The following B3GNT4 variants were observed in gnomAD, a reference collection of about 807,000 sequenced individuals.
The protein encoded by B3GNT4 is N-acetyllactosaminide beta-1,3-N-acetylglucosaminyltransferase 4.
A neutral mutation model predicts 2.7 loss-of-function variants in B3GNT4; 2 were observed. That is an observed-to-expected ratio of 0.73 (90% CI 0.30 to 2.31). The LOEUF (loss-of-function observed/expected upper bound fraction) is 2.31. Among genes scored for constraint, B3GNT4 ranks in the 30% most tolerant of loss-of-function variants. The pLI, the probability that B3GNT4 is intolerant of heterozygous loss-of-function variation, is 0.12. For missense variants in B3GNT4, 708 were observed against 490.9 expected, an observed-to-expected ratio of 1.44 and a Z score of -4.18; for synonymous variants, 280 against 203.4, an observed-to-expected ratio of 1.38 and a Z score of -3.20.
chr12:122,205,985 CTG>C (rs1953908399), intron 2 of B3GNT4: 2 of 318,316 alleles, frequency 6.3e-6, no homozygotes. Flanking sequence ...TAAACTGAGT[CTG>C]TGCCTAAAAC....
Position 122,207,350 on chromosome 12 carries a change from G to C in B3GNT4, c.1099G>C (p.Gly367Arg). The C allele has an allele frequency of 3.8e-6, 6 of 1,595,760 alleles. No individual in the cohort carries two copies. The highest frequency in any genetic ancestry group is 5.1e-6 in the Non-Finnish European group (6 of 1,169,732). ...CATGTGGGCACTGGTGACAGATGAGGGGCTCAAGTGTGCAGCTGGCCCCAT... is the reference window on the plus strand; with the variant it reads ...CATGTGGGCACTGGTGACAGATGAGCGGCTCAAGTGTGCAGCTGGCCCCAT... ...WTMWALVTDEGLKCAAGPIPQ... is the reference protein window; with the variant it reads ...WTMWALVTDERLKCAAGPIPQ... Residue 367 changes from glycine (G) to arginine (R), a missense_variant, in exon 3 of 3, where the codon GGG becomes CGG. By Grantham distance (125) the Gly-to-Arg change is moderately radical. Coordinates refer to ENST00000324189, the MANE Select transcript of B3GNT4 (RefSeq NM_030765.4).
intron 2 of B3GNT4, chr12:122,205,398 G>C (rs950793295): frequency 1.3e-5 from 2 of 152,432 alleles, no homozygotes; most frequent in African/African-American, 4.8e-5. Context: ...GCACCTAGCA[G>C]TTGCTTTTCT....
chr12:122,206,642 G>C lies in B3GNT4; in HGVS notation c.391G>C (p.Val131Leu). Residue 131 changes from valine to leucine, a missense_variant, in exon 3 of 3, where the codon GTG becomes CTG. Coordinates refer to ENST00000324189, the MANE Select transcript of B3GNT4 (RefSeq NM_030765.4). ...GGCCATCAAGTCACAGCCTGGTCACGTGGAGCGACGTGCGGCTATCCGCAG... is the reference window on the plus strand; with the variant it reads ...GGCCATCAAGTCACAGCCTGGTCACCTGGAGCGACGTGCGGCTATCCGCAG... ...LLAIKSQPGHVERRAAIRSTW... is the reference protein window; with the variant it reads ...LLAIKSQPGHLERRAAIRSTW... The C allele has an allele frequency of 6.2e-7, 1 of 1,613,894 alleles. No homozygotes were observed. Among genetic ancestry groups the C allele is most frequent in the Non-Finnish European group, 8.5e-7 (1 of 1,180,010 alleles).
At chr12:122,203,997 G>T (rs1034502390) in intron 1 of B3GNT4, among the ~76,000 whole-genome samples, 196 bp downstream of exon 1, 2 of 151,704 alleles carry the variant, frequency 1.3e-5, no homozygotes, top group African/African-American at 2.4e-5. Context: ...CCCACGGGCC[G>T]CTCGGCTTCG....
Position 122,207,410 on chromosome 12 carries a change from TGA to T in B3GNT4, c.*26_*27del, listed in dbSNP as rs757785402. ...CTGAAGGGTGGGTTGGGCAACAGCC[TGA>T]GAGTGGACTCAGTGTTGATTCTCTA... On this transcript the variant is annotated 3_prime_UTR_variant, in exon 3 of 3. Transcript: ENST00000324189. 15 of 1,517,470 alleles carry T rather than the reference TGA, an allele frequency of 9.9e-6. No homozygotes were observed. Among genetic ancestry groups the T allele is most frequent in the Admixed American group, 4.4e-5 (2 of 45,054 alleles). The allele number at this position is 1,517,470 out of a possible 1,614,324, so 94.0% of individuals were successfully genotyped here.
In B3GNT4 at chr12:122,206,315, C is replaced by T. The variant is rs766256170; in HGVS notation, c.67-3C>T. The T allele has an allele frequency of 8.4e-6, 13 of 1,549,984 alleles. No homozygotes were observed. Among genetic ancestry groups the T allele is most frequent in the Non-Finnish European group, 1.1e-5 (13 of 1,148,382 alleles). ...CCCTGCTCAGGTGGCTCTCTCCTTG[C>T]AGGGACCGGCGATGCTCTGCAGGCT... is the stretch of plus-strand genomic sequence containing the variant. On this transcript the variant is annotated splice_polypyrimidine_tract_variant and splice_region_variant and intron_variant, in intron 2 of 2. Coordinates refer to ENST00000324189, the MANE Select transcript of B3GNT4 (RefSeq NM_030765.4).
At chr12:122,203,989 C>T (rs1000839607) in intron 1 of B3GNT4, among the ~76,000 whole-genome samples, 188 bp downstream of exon 1, 8 of 151,706 alleles carry the variant, frequency 5.3e-5, no homozygotes, top group African/African-American at 1.7e-4. Flanking sequence ...GCTCGGGGCC[C>T]ACGGGCCGCT....
At chr12:122,204,730 C>T (rs1267451632) in intron 2 of B3GNT4, 46 bp downstream of exon 2, 9 of 1,498,676 alleles carry the variant, frequency 6.0e-6, no homozygotes, top group Non-Finnish European at 1.8e-6. Flanking sequence ...GTCCCCCACC[C>T]CCGCATAGAT....
Position 122,206,918 on chromosome 12 carries a change from G to A in B3GNT4, c.667G>A (p.Val223Ile), listed in dbSNP as rs747386259. Residue 223 changes from valine to isoleucine, a missense_variant, in exon 3 of 3, where the codon GTC (valine) becomes ATC (isoleucine). Val to Ile is a conservative substitution (Grantham distance 29, BLOSUM62 3). Transcript: ENST00000324189. ...GCTAAAGGGAGATGACGATGTCTTT[G>A]TCCACGTCCCCAACGTGTTAGAGTT... is the stretch of plus-strand genomic sequence containing the variant. Reference protein sequence around the residue: ...FMLKGDDDVFVHVPNVLEFLD... With the variant: ...FMLKGDDDVFIHVPNVLEFLD... The A allele has an allele frequency of 6.2e-7, 1 of 1,614,048 alleles. No homozygotes were observed.
chr12:122,204,664 A>G lies in B3GNT4; in HGVS notation c.46A>G (p.Arg16Gly). ...CGCAGCCCACCAGGGAAGGGGCGGT[A>G]GGAGTGGCCTTTTACCAAAGGTCAG... is the stretch of plus-strand genomic sequence containing the variant. ...PSAAHQGRGG[R>G]SGLLPKGPAM... The change falls in exon 2 of 3, where the codon AGG (arginine) becomes GGG (glycine). Residue 16 changes from arginine to glycine, a missense_variant. By Grantham distance (125) the Arg-to-Gly change is moderately radical (BLOSUM62 -2). Coordinates refer to ENST00000324189, the MANE Select transcript of B3GNT4 (RefSeq NM_030765.4). 3 of 1,611,532 alleles carry G rather than the reference A, an allele frequency of 1.9e-6. No homozygotes were observed. The highest frequency in any genetic ancestry group is 1.1e-5 in the South Asian group (1 of 91,010).
rs1566016701 is a variant in B3GNT4, at chr12:122,206,611, G to C, written c.360G>C (p.Leu120Phe). 4.3e-6 allele frequency: 7 copies of C among 1,614,106 alleles called. No homozygotes were observed. The highest frequency in any genetic ancestry group is 5.9e-6 in the Non-Finnish European group (7 of 1,180,042). The change falls in exon 3 of 3, where the codon TTG (leucine) becomes TTC (phenylalanine). Residue 120 changes from leucine to phenylalanine, a missense_variant. Coordinates refer to ENST00000324189, the MANE Select transcript of B3GNT4 (RefSeq NM_030765.4). ...EPSGCSKDTF[L>F]LLAIKSQPGH... ...CAGGCTGTTCCAAGGATACCTTCTT[G>C]CTCCTGGCCATCAAGTCACAGCCTG...
chr12:122,205,935 C>T, intron 2 of B3GNT4: 1 of 206,490 alleles, frequency 4.8e-6, no homozygotes, highest in East Asian at 1.1e-4. Context: ...CTTGAAAAGC[C>T]CTGAATGTCA....
Position 122,208,684 on chromosome 12 carries a change from GT to G in B3GNT4, c.*1297del. 1 of 1,167,778 alleles carries G rather than the reference GT, an allele frequency of 8.6e-7. No homozygotes were observed. Among genetic ancestry groups the G allele is most frequent in the Middle Eastern group, 1.9e-4 (1 of 5,284 alleles). 72.3% of individuals were successfully genotyped at this position (1,167,778 alleles called of 1,614,324 possible). A position where few individuals can be genotyped will look rare whatever the true frequency, so the allele number is the denominator to read the frequency against. On this transcript the variant is annotated 3_prime_UTR_variant, in exon 3 of 3. Coordinates refer to ENST00000324189, the MANE Select transcript of B3GNT4 (RefSeq NM_030765.4). ...GGCTGTCATCTGAACCCCTCTTGGGGTCACTTTCCTTGACCTCCCTGTCTTC... is the reference window on the plus strand; with the variant it reads ...GGCTGTCATCTGAACCCCTCTTGGGGCACTTTCCTTGACCTCCCTGTCTTC...
intron 2 of B3GNT4, chr12:122,204,890 C>T (rs1320127945): frequency 5.3e-6 from 3 of 566,458 alleles, no homozygotes; most frequent in East Asian, 3.2e-5. Flanking sequence ...AATAAATTAG[C>T]CGGGCCCTGC....
rs753141842 is a variant in B3GNT4 at position 122,206,600 on chromosome 12, G to A, written c.349G>A (p.Asp117Asn). ...GCTGGAGCCTTCAGGCTGTTCCAAG[G>A]ATACCTTCTTGCTCCTGGCCATCAA... ...ILLEPSGCSK[D>N]TFLLLAIKSQ... is the part of the protein sequence containing the mutation. The change falls in exon 3 of 3, where the codon GAT becomes AAT. Residue 117 changes from aspartate to asparagine, a missense_variant. Physicochemically the swap from Asp to Asn is conservative, Grantham distance 23. Transcript: ENST00000324189. 6.2e-7 allele frequency: 1 copy of A among 1,614,148 alleles called. No individual in the cohort carries two copies. The highest frequency in any genetic ancestry group is 2.2e-5 in the East Asian group (1 of 44,862).
intron 1 of B3GNT4, 83 bp from the exon 2 acceptor site, chr12:122,204,439 C>T: frequency 3.2e-6 from 2 of 626,544 alleles, no homozygotes; most frequent in Non-Finnish European, 5.8e-6. Flanking sequence ...TGGGCTGAAA[C>T]CTCCTGGGAC....
rs1392918419 is a variant in B3GNT4 at position 122,208,042 on chromosome 12, A to C, written c.*654A>C. 7.4e-6 allele frequency: 4 copies of C among 542,754 alleles called. No homozygotes were observed. Among genetic ancestry groups the C allele is most frequent in the Admixed American group, 4.4e-5 (2 of 45,102 alleles). 33.6% of individuals were successfully genotyped at this position (542,754 alleles called of 1,614,324 possible). On this transcript the variant is annotated 3_prime_UTR_variant, in exon 3 of 3. Coordinates refer to ENST00000324189, the MANE Select transcript of B3GNT4 (RefSeq NM_030765.4). Reference sequence around the variant, plus strand: ...AAATAAGACTGAAAACAGGTTAAACAGTTGCTGAACTTAAGGGCATGACAA... The same window carrying C: ...AAATAAGACTGAAAACAGGTTAAACCGTTGCTGAACTTAAGGGCATGACAA...
In B3GNT4 at chr12:122,204,655, A is replaced by G; in HGVS notation, c.37A>G (p.Arg13Gly). Residue 13 changes from arginine to glycine, a missense_variant, in exon 2 of 3, where the codon AGG becomes GGG. Transcript: ENST00000324189. ...PPQPSAAHQG[R>G]GGRSGLLPKG... ...CCAGCCTTCCGCAGCCCACCAGGGA[A>G]GGGGCGGTAGGAGTGGCCTTTTACC... The G allele has an allele frequency of 6.2e-7, 1 of 1,611,826 alleles. No individual in the cohort carries two copies. Among genetic ancestry groups the G allele is most frequent in the Non-Finnish European group, 8.5e-7 (1 of 1,178,040 alleles).
rs1327399728 is a variant in B3GNT4 at position 122,207,373 on chromosome 12, C to T, written c.1122C>T (p.Pro374=). ...AGGGGCTCAAGTGTGCAGCTGGCCCCATACCCCAGCGCTGAAGGGTGGGTT... is the reference window on the plus strand; with the variant it reads ...AGGGGCTCAAGTGTGCAGCTGGCCCTATACCCCAGCGCTGAAGGGTGGGTT... ...TDEGLKCAAG[P]IPQR The change falls in exon 3 of 3, where the codon CCC becomes CCT. Residue 374 remains proline (P), a synonymous_variant. Transcript: ENST00000324189. The T allele has an allele frequency of 1.3e-6, 2 of 1,568,708 alleles. No homozygotes were observed. The highest frequency in any genetic ancestry group is 2.7e-5 in the African/African-American group (2 of 73,698).
Sources: gnomAD v4.1 joint callset for allele counts (sites outside exome capture counted in the v4.1 genomes callset) on GRCh38, gnomAD v4.1.1 for gene constraint, MANE v1.5 for transcripts, NCBI Gene and HGNC (gene_info 2026-07-23, HGNC 2026-07-21) for gene names.